The following UNC13C variants were observed in gnomAD, a reference collection of about 807,000 sequenced individuals.
UNC13C encodes the protein protein unc-13 homolog C.
A neutral mutation model predicts 245.4 loss-of-function variants in UNC13C; 174 were observed. The ratio of observed to expected loss-of-function variants is 0.71; its 90% CI spans 0.63 to 0.80. The LOEUF is 0.80. Among genes scored for constraint, UNC13C ranks in the 30% least tolerant of loss-of-function variants. The pLI is 0.00. For synonymous variants in UNC13C, 992 were observed against 895.1 expected (o/e 1.11, Z -1.93); for missense variants, 2,829 against 2,602.9 (o/e 1.09, Z -1.89).
chr15:54,374,260 C>T (rs2039556657), intron 17 of UNC13C, among the ~76,000 whole-genome samples: 1 of 152,174 alleles, frequency 6.6e-6, no homozygotes, highest in Non-Finnish European at 1.5e-5. Flanking sequence ...AGCTTCAGGC[C>T]TTCCCAGGCC....
intron 2 of UNC13C, among the ~76,000 whole-genome samples, chr15:54,117,841 A>C (rs1446856958): frequency 6.6e-6 from 1 of 152,096 alleles, no homozygotes; most frequent in African/African-American, 2.4e-5. Flanking sequence ...TTGGCCTCCC[A>C]AAGTGCTGAG....
At chr15:54,459,026 T>A (rs12438766) in intron 19 of UNC13C, among the ~76,000 whole-genome samples, 46,480 of 151,922 alleles carry the variant, frequency 0.31, 7,594 homozygotes, top group East Asian at 0.52. Flanking sequence ...TCTATTTTGG[T>A]GTATTTTGAA....
intron 2 of UNC13C, among the ~76,000 whole-genome samples, chr15:54,124,255 T>C (rs1167741299): frequency 1.3e-5 from 2 of 152,226 alleles, no homozygotes; most frequent in Non-Finnish European, 2.9e-5. Context: ...TGTTTAGCTT[T>C]ATGACATCGT....
Position 54,389,463 on chromosome 15 carries a change from C to G in UNC13C, c.4714-3585C>G, listed in dbSNP as rs568766072. 2.7e-4 allele frequency among the ~76,000 whole-genome samples: 41 copies of G among 152,306 alleles called. No homozygotes were observed. The South Asian group carries it at 4.3e-3, about 16-fold the overall frequency. ...GCTGATATACACTAAAGTTGGAGAA[C>G]CACAATCTTAGAGAATCACCATGCA... On this transcript the variant is annotated intron_variant, in intron 17 of 32. Coordinates refer to ENST00000260323, the MANE Select transcript of UNC13C (RefSeq NM_001080534.3).
chr15:53,890,863 T>C, the UNC13C span, among the ~76,000 whole-genome samples: 5 of 152,200 alleles, frequency 3.3e-5, no homozygotes, highest in Admixed American at 3.3e-4. Flanking sequence ...CTTTATCTCC[T>C]TCAGTTCTGC....
At chr15:54,029,193 A>T (rs1440919652) in intron 2 of UNC13C, among the ~76,000 whole-genome samples, 1 of 152,220 alleles carries the variant, frequency 6.6e-6, no homozygotes, top group Non-Finnish European at 1.5e-5. Flanking sequence ...TAATAGCTTC[A>T]GTTATTGATG....
upstream of UNC13C, among the ~76,000 whole-genome samples, chr15:53,977,233 A>G (rs748340110): frequency 6.6e-6 from 1 of 152,216 alleles, no homozygotes; most frequent in Admixed American, 6.5e-5. Flanking sequence ...AGTACCCAAC[A>G]TATATATTGT....
At chr15:54,439,034 C>A (rs1281645551) in intron 19 of UNC13C, among the ~76,000 whole-genome samples, 1 of 151,858 alleles carries the variant, frequency 6.6e-6, no homozygotes, top group African/African-American at 2.4e-5. Flanking sequence ...TCATACTTAC[C>A]TGTTACTGCA....
chr15:53,864,783 T>C, the UNC13C span, among the ~76,000 whole-genome samples: 8,055 of 152,270 alleles, frequency 0.053, 314 homozygotes, highest in African/African-American at 0.11. Context: ...AAAATGGCAT[T>C]GGAGACCATA....
intron 24 of UNC13C, among the ~76,000 whole-genome samples, chr15:54,515,291 CT>C (rs1275846595): frequency 1.3e-5 from 2 of 152,166 alleles, no homozygotes; most frequent in African/African-American, 4.8e-5. Context: ...ATAATATTAT[CT>C]GTCCCTTTAT....
Position 54,621,165 on chromosome 15 carries a change from T to G in UNC13C, c.6107-1162T>G, listed in dbSNP as rs545272642. On this transcript the variant is annotated intron_variant, in intron 30 of 32. Transcript: ENST00000260323. ...TTGATGATTCTCTCAAGATAGAAACTGAAAGTCTTTCAGAATCTTTTGTTC... is the reference window on the plus strand; with the variant it reads ...TTGATGATTCTCTCAAGATAGAAACGGAAAGTCTTTCAGAATCTTTTGTTC... Among the ~76,000 whole-genome samples, 5 of 152,326 alleles carry G rather than the reference T, an allele frequency of 3.3e-5. No homozygotes were observed. In the South Asian group the frequency reaches 1.0e-3, roughly 32 times the overall value.
chr15:53,914,447 T>C, the UNC13C span: 3 of 152,050 alleles, frequency 2.0e-5, no homozygotes, highest in African/African-American at 7.3e-5. Context: ...CGTGCTGGCG[T>C]CCACAGAAAG....
intron 4 of UNC13C, among the ~76,000 whole-genome samples, chr15:54,206,684 G>C (rs1037931116): frequency 5.9e-5 from 9 of 152,058 alleles, no homozygotes; most frequent in African/African-American, 2.2e-4. Flanking sequence ...TTGTATTAAA[G>C]ATATTTGTGG....
intron 2 of UNC13C, among the ~76,000 whole-genome samples, chr15:54,061,371 A>G (rs952509518): frequency 2.0e-5 from 3 of 152,136 alleles, no homozygotes; most frequent in Non-Finnish European, 4.4e-5. Context: ...ATGGTACTCT[A>G]TTTAGTAAAT....
At chr15:54,460,271 C>A (rs564684168) in intron 19 of UNC13C, among the ~76,000 whole-genome samples, 7 of 152,306 alleles carry the variant, frequency 4.6e-5, no homozygotes, top group African/African-American at 1.7e-4. Context: ...GCCATGGATA[C>A]CAGCACCTGC....
intron 4 of UNC13C, among the ~76,000 whole-genome samples, chr15:54,231,459 G>A (rs1328399874): frequency 6.6e-6 from 1 of 151,712 alleles, no homozygotes; most frequent in Admixed American, 6.6e-5. Flanking sequence ...TGCCATTTCA[G>A]ATCTTAATAA....
chr15:53,963,192 ACT>A, the UNC13C span, among the ~76,000 whole-genome samples: 1 of 152,062 alleles, frequency 6.6e-6, no homozygotes, highest in Middle Eastern at 3.2e-3. Flanking sequence ...ATAGAGGCAA[ACT>A]CTCCCCCACT....
At chr15:54,539,115 AG>A (rs1896126954) in intron 26 of UNC13C, among the ~76,000 whole-genome samples, 1 of 152,130 alleles carries the variant, frequency 6.6e-6, no homozygotes, top group African/African-American at 2.4e-5. Flanking sequence ...ATATTTAAAT[AG>A]GTAAGGATAA....
At chr15:53,903,654 A>T in the UNC13C span, among the ~76,000 whole-genome samples, 1 of 152,308 alleles carries the variant, frequency 6.6e-6, no homozygotes, top group Middle Eastern at 3.4e-3. Flanking sequence ...ACTGTTCAAG[A>T]CCTACTCTGA....
Sources: allele counts gnomAD v4.1 joint callset (sites outside exome capture counted in the v4.1 genomes callset), GRCh38; gene constraint gnomAD v4.1.1; transcripts MANE v1.5; gene names NCBI Gene and HGNC (gene_info 2026-07-23, HGNC 2026-07-21).